The following GLB1 variants were observed in gnomAD, a reference collection of about 807,000 sequenced individuals.
GLB1 encodes the protein galactosidase beta 1.
In GLB1, 56 loss-of-function variants were observed where a neutral mutation model predicts 74.0. The observed-to-expected ratio is 0.76, with a 90% confidence interval of 0.61 to 0.94. GLB1 has a LOEUF of 0.94. Ranked by LOEUF, GLB1 falls within the 40% of genes least tolerant of loss-of-function variation. The pLI, the probability that GLB1 is intolerant of heterozygous loss-of-function variation, is 0.00. For synonymous variants in GLB1, 323 were observed against 323.6 expected (o/e 1.00, Z 0.02); for missense variants, 787 against 845.5 (o/e 0.93, Z 0.86).
chr3:33,030,257 A>T (rs1392474227), intron 10 of GLB1: 2 of 153,812 alleles, frequency 1.3e-5, no homozygotes, highest in African/African-American at 4.8e-5. Context: ...CATGGAAGGT[A>T]TCCTGACCAC....
In GLB1 at chr3:33,051,931, A is replaced by G. The variant is rs1699010757; in HGVS notation, c.866T>C (p.Val289Ala). The G allele has an allele frequency of 6.2e-7, 1 of 1,614,248 alleles. No homozygotes were observed. Among genetic ancestry groups the G allele is most frequent in the Non-Finnish European group, 8.5e-7 (1 of 1,180,046 alleles). ...AAGTATATCATAGAGGGAGGAAGCC[A>G]CTGCTTCGGTCTTGATTGTGGAGTG... Reference protein sequence around the residue: ...QPHSTIKTEAVASSLYDILAR... With the variant: ...QPHSTIKTEAAASSLYDILAR... Residue 289 changes from valine to alanine, a missense_variant, in exon 8 of 16, where the codon GTG (valine) becomes GCG (alanine). Val to Ala is a moderately conservative substitution (Grantham distance 64). Coordinates refer to ENST00000307363, the MANE Select transcript of GLB1 (RefSeq NM_000404.4).
chr3:32,964,106 A>G, the GLB1 span, among the ~76,000 whole-genome samples: 1 of 152,226 alleles, frequency 6.6e-6, no homozygotes, highest in Non-Finnish European at 1.5e-5. Context: ...GAGCCTGCAG[A>G]ATGTTTGAAT....
intron 15 of GLB1, among the ~76,000 whole-genome samples, chr3:33,005,376 C>G (rs1696743678): frequency 6.6e-6 from 1 of 152,162 alleles, no homozygotes; most frequent in Non-Finnish European, 1.5e-5. Context: ...CCAGACCTTT[C>G]CCAGCAATCT....
downstream of GLB1, among the ~76,000 whole-genome samples, chr3:32,993,695 C>T (rs1051071935): frequency 2.0e-5 from 3 of 151,894 alleles, no homozygotes; most frequent in Admixed American, 1.3e-4. Flanking sequence ...CCACCATGCC[C>T]GGCTAATTTT....
At chr3:33,034,454 G>A in intron 10 of GLB1, 1 of 730,618 alleles carries the variant, frequency 1.4e-6, no homozygotes, top group Non-Finnish European at 2.5e-6. Context: ...CCAGTGGAAG[G>A]AGAGCAGAAG....
chr3:33,038,787 C>T (rs188051211), intron 10 of GLB1, among the ~76,000 whole-genome samples: 49 of 152,312 alleles, frequency 3.2e-4, no homozygotes, highest in African/African-American at 1.1e-3. Flanking sequence ...CTCAAGAAGA[C>T]AGAAGCCCAC....
At chr3:32,971,620 A>G in the GLB1 span, among the ~76,000 whole-genome samples, 299 of 152,380 alleles carry the variant, frequency 2.0e-3, no homozygotes, top group Admixed American at 2.5e-3. Flanking sequence ...AAAAGCCTCC[A>G]TAATTGGAAA....
intron 2 of GLB1, among the ~76,000 whole-genome samples, chr3:33,069,177 C>G (rs1300229082): frequency 6.6e-6 from 1 of 151,870 alleles, no homozygotes; most frequent in African/African-American, 2.4e-5. Flanking sequence ...ATGGCTTGAG[C>G]CCAGGAGTTT....
chr3:33,050,492 G>A (rs556256733), intron 9 of GLB1, among the ~76,000 whole-genome samples: 100 of 152,344 alleles, frequency 6.6e-4, no homozygotes, highest in African/African-American at 2.3e-3. Flanking sequence ...GTGCAACAAC[G>A]TGGATGAGCG....
intron 10 of GLB1, chr3:33,033,909 T>C: frequency 1.8e-6 from 1 of 541,028 alleles, no homozygotes; most frequent in Non-Finnish European, 3.7e-6. Context: ...AAGGATATGA[T>C]TTATGATGCC....
At chr3:33,089,778 A>G (rs532264317) in intron 1 of GLB1, among the ~76,000 whole-genome samples, 53 of 152,356 alleles carry the variant, frequency 3.5e-4, no homozygotes, top group Middle Eastern at 3.4e-3. Flanking sequence ...TTGTTGCTCA[A>G]TGGGTATATA....
intron 1 of GLB1, among the ~76,000 whole-genome samples, chr3:33,074,373 G>A (rs141135532): frequency 0.34 from 2,230 of 6,496 alleles, 508 homozygotes; most frequent in Middle Eastern, 0.7. Context: ...AGGAAGGAAG[G>A]AAGGAAGGAA....
In GLB1 at chr3:33,093,415, G is replaced by A; in HGVS notation, c.75+3596C>T. On this transcript the variant is annotated intron_variant, in intron 1 of 15. Transcript: ENST00000307363. This position sits in a 1 kb window ranked among gnomAD's most constrained non-coding sequence, Gnocchi z 6.0. The stretch of plus-strand genomic sequence containing the variant: ...AGATGTGAATGAAGCTGGCCCAGAG[G>A]AGCGACAGCCGTCCGCAGGACCGAG... 1 of 1,614,132 alleles carries A rather than the reference G, an allele frequency of 6.2e-7. No homozygotes were observed. Among genetic ancestry groups the A allele is most frequent in the Non-Finnish European group, 8.5e-7 (1 of 1,180,044 alleles).
Position 33,014,240 on chromosome 3 carries a change from T to C in GLB1, c.1550A>G (p.Glu517Gly), listed in dbSNP as rs767921805. ...TDWTIFPLDT[E>G]DAVCSHLGGW... ...CCCCAGGTGGCTGCACACTGCATCC[T>C]CAGTGTCCAGTGGAAAGATCGTCCA... Residue 517 changes from glutamate (E) to glycine (G), a missense_variant, in exon 15 of 16, where the codon GAG becomes GGG. Transcript: ENST00000307363. The C allele has an allele frequency of 6.2e-7, 1 of 1,614,110 alleles. No homozygotes were observed. The highest frequency in any genetic ancestry group is 1.3e-5 in the African/African-American group (1 of 75,014).
the GLB1 span, among the ~76,000 whole-genome samples, chr3:32,977,588 T>C: frequency 2.0e-5 from 3 of 152,126 alleles, no homozygotes; most frequent in African/African-American, 7.2e-5. Context: ...ACATGTAGAC[T>C]CCCTCTCAGT....
intron 10 of GLB1, among the ~76,000 whole-genome samples, chr3:33,027,252 C>T (rs1027462336): frequency 1.3e-5 from 2 of 152,264 alleles, no homozygotes; most frequent in Non-Finnish European, 2.9e-5. Flanking sequence ...GGCGCCTGTG[C>T]GGGCAACCTG....
At chr3:33,094,253 A>G in intron 1 of GLB1, 6 of 1,524,566 alleles carry the variant, frequency 3.9e-6, no homozygotes, top group Non-Finnish European at 5.3e-6. Flanking sequence ...TCTGGAAATG[A>G]GTTCCTTAGA....
the GLB1 span, among the ~76,000 whole-genome samples, chr3:32,985,533 C>A: frequency 5.3e-5 from 8 of 152,130 alleles, no homozygotes; most frequent in African/African-American, 1.9e-4. Flanking sequence ...CTCAAGTGAT[C>A]TGCCCGCTTT....
intron 10 of GLB1, among the ~76,000 whole-genome samples, chr3:33,041,298 A>G (rs1455201971): frequency 6.6e-6 from 1 of 152,224 alleles, no homozygotes; most frequent in Non-Finnish European, 1.5e-5. Context: ...AGTACAGTAA[A>G]CTGACTTCTC....
Sources: gnomAD v4.1 joint callset for allele counts (sites outside exome capture counted in the v4.1 genomes callset) on GRCh38, gnomAD v4.1.1 for gene constraint, Gnocchi (gnomAD v3.1) non-coding constraint, MANE v1.5 for transcripts, NCBI Gene and HGNC (gene_info 2026-07-23, HGNC 2026-07-21) for gene names.